The following VGLL3 variants were observed in gnomAD, a reference collection of about 807,000 sequenced individuals.
VGLL3 encodes vestigial like family member 3.
In VGLL3, 18 loss-of-function variants were observed where a neutral mutation model predicts 29.2. That is an observed-to-expected ratio of 0.62 (90% confidence interval 0.43 to 0.91). The LOEUF is 0.91. VGLL3 is among the 40% of genes least tolerant of loss of function. VGLL3 has a pLI of 0.00. For synonymous variants in VGLL3, 180 were observed against 151.8 expected, an observed-to-expected ratio of 1.19 and a Z score of -1.36; for missense variants, 440 against 413.2, an observed-to-expected ratio of 1.06 and a Z score of -0.56.
At chr3:86,950,186 T>C (rs926016288) in intron 3 of VGLL3, among the ~76,000 whole-genome samples, 2 of 152,196 alleles carry the variant, frequency 1.3e-5, no homozygotes, top group Admixed American at 6.5e-5. Context: ...GCTTGCCTTC[T>C]TTATAGTAGC....
Position 86,945,858 on chromosome 3 carries a change from CTGTTTGTTTGTT to C in VGLL3, c.*1154_*1165del, listed in dbSNP as rs150596407. On this transcript the variant is annotated 3_prime_UTR_variant, in exon 4 of 4. Coordinates refer to ENST00000398399, the MANE Select transcript of VGLL3 (RefSeq NM_016206.4). ...TGTGTTGAAACTATTATATATAGAA[CTGTTTGTTTGTT>C]TGTTTGTTTGTTTGTTTAGCTTACA... The C allele has an allele frequency of 3.3e-5, 5 of 151,656 alleles. No individual in the cohort carries two copies. Among genetic ancestry groups the C allele is most frequent in the African/African-American group, 4.9e-5 (2 of 41,208 alleles). The allele number at this position is 151,656 out of a possible 1,614,324, so 9.4% of individuals were successfully genotyped here.
In VGLL3 at chr3:86,990,603, C is replaced by G. The variant is rs746776435; in HGVS notation, c.126+15G>C. ...TCGCCCCCGCCCCCAGCAGGCTGCC[C>G]GTCCGGTGACTCACCTGCTGGCCAG... is the stretch of plus-strand genomic sequence containing the variant. On this transcript the variant is annotated intron_variant, in intron 1 of 3. Coordinates refer to ENST00000398399, the MANE Select transcript of VGLL3 (RefSeq NM_016206.4). 9.7e-6 allele frequency: 13 copies of G among 1,335,784 alleles called. No homozygotes were observed. The highest frequency in any genetic ancestry group is 2.6e-5 in the South Asian group (1 of 38,280). The allele number at this position is 1,335,784 out of a possible 1,614,324, so 82.7% of individuals were successfully genotyped here. A position where few individuals can be genotyped will look rare whatever the true frequency, so the allele number is the denominator to read the frequency against.
chr3:86,986,423 T>G (rs1465770502), intron 1 of VGLL3, among the ~76,000 whole-genome samples: 1 of 152,138 alleles, frequency 6.6e-6, no homozygotes, highest in Non-Finnish European at 1.5e-5. Context: ...ATTTTAACAT[T>G]TAATTTTTCC....
Position 86,968,729 on chromosome 3 carries a change from T to A in VGLL3, c.798A>T (p.Ser266=). ...GAGCAGGAATCCTGGCCGCATGCAC[T>A]GAAGGCATCAGCAGAGGCCCATAGG... is the stretch of plus-strand genomic sequence containing the variant. ...DPSYGPLLMP[S]VHAARIPAPQ... The change falls in exon 3 of 4, where the codon TCA becomes TCT. Residue 266 remains serine, a synonymous_variant. Coordinates refer to ENST00000398399, the MANE Select transcript of VGLL3 (RefSeq NM_016206.4). 15 of 1,614,124 alleles carry A rather than the reference T, an allele frequency of 9.3e-6. No individual in the cohort carries two copies. Among genetic ancestry groups the A allele is most frequent in the Non-Finnish European group, 1.3e-5 (15 of 1,180,018 alleles).
At chr3:86,955,380 CTTTTTTTTTTT>C (rs67190879) in intron 3 of VGLL3, among the ~76,000 whole-genome samples, 1 of 131,708 alleles carries the variant, frequency 7.6e-6, no homozygotes, top group South Asian at 2.4e-4. Flanking sequence ...CTCTCTCTCT[CTTTTTTTTTTT>C]TTTTTTTTTG....
intron 3 of VGLL3, among the ~76,000 whole-genome samples, chr3:86,964,487 T>G (rs1053426032): frequency 6.6e-6 from 1 of 152,176 alleles, no homozygotes; most frequent in African/African-American, 2.4e-5. Context: ...TTATTTGCAA[T>G]GAATTGAATG....
chr3:86,949,621 T>C (rs1042280698), intron 3 of VGLL3, among the ~76,000 whole-genome samples: 3 of 151,464 alleles, frequency 2.0e-5, no homozygotes, highest in Admixed American at 6.6e-5. Flanking sequence ...GGTCAGGAGA[T>C]CGAGACCATC....
At chr3:86,951,308 C>T (rs1458654416) in intron 3 of VGLL3, among the ~76,000 whole-genome samples, 1 of 152,174 alleles carries the variant, frequency 6.6e-6, no homozygotes, top group African/African-American at 2.4e-5. Context: ...TACCAGAGTT[C>T]TGAAGGCTGG....
At chr3:86,953,196 G>T (rs1704649035) in intron 3 of VGLL3, among the ~76,000 whole-genome samples, 1 of 152,104 alleles carries the variant, frequency 6.6e-6, no homozygotes, top group South Asian at 2.1e-4. Flanking sequence ...AAAGTAAAAA[G>T]CCTACATAAT....
rs371178734 is a variant in VGLL3 at position 86,967,850 on chromosome 3, G to T, written c.937+740C>A. 3.9e-5 allele frequency among the ~76,000 whole-genome samples: 6 copies of T among 152,156 alleles called. No individual in the cohort carries two copies. In the East Asian group the frequency reaches 7.7e-4, roughly 20 times the overall value. On this transcript the variant is annotated intron_variant, in intron 3 of 3. Coordinates refer to ENST00000398399, the MANE Select transcript of VGLL3 (RefSeq NM_016206.4). ...TCAGACATTTGACACAGAACCTTCAGAACTATTGAATTCCAGACAGGAGAT... is the reference window on the plus strand; with the variant it reads ...TCAGACATTTGACACAGAACCTTCATAACTATTGAATTCCAGACAGGAGAT...
chr3:86,949,191 A>T lies in VGLL3; in HGVS notation c.938-2124T>A, dbSNP rs1704564918. The stretch of plus-strand genomic sequence containing the variant: ...TATGACTATTTCAAAATCACGTGAG[A>T]CTTTTGCTGCAGACAAGTATTTCAT... On this transcript the variant is annotated intron_variant, in intron 3 of 3. Coordinates refer to ENST00000398399, the MANE Select transcript of VGLL3 (RefSeq NM_016206.4). 3.3e-5 allele frequency among the ~76,000 whole-genome samples: 5 copies of T among 152,268 alleles called. No individual in the cohort carries two copies. The South Asian group carries it at 1.0e-3, about 32-fold the overall frequency.
chr3:86,965,097 C>T (rs568364759), intron 3 of VGLL3, among the ~76,000 whole-genome samples: 29 of 150,798 alleles, frequency 1.9e-4, no homozygotes, highest in Non-Finnish European at 3.4e-4. Context: ...GTGAAGGTTG[C>T]GGTGAGCTGA....
chr3:86,954,500 T>C (rs890044178), intron 3 of VGLL3, among the ~76,000 whole-genome samples: 1 of 152,224 alleles, frequency 6.6e-6, no homozygotes, highest in African/African-American at 2.4e-5. Flanking sequence ...TTAAAATGCA[T>C]AGCTGGAGGG....
chr3:86,962,297 C>A, intron 3 of VGLL3: 2 of 985,492 alleles, frequency 2.0e-6, no homozygotes, highest in Non-Finnish European at 2.4e-6. Flanking sequence ...GACAGCAAAG[C>A]AACACCAAGA....
intron 3 of VGLL3, 101 bp downstream of exon 3, chr3:86,968,489 T>C (rs1705010347): frequency 1.5e-6 from 2 of 1,359,874 alleles, no homozygotes; most frequent in Non-Finnish European, 2.0e-6. Context: ...GTTGGTAAAG[T>C]TTAACTTTAC....
Position 86,969,087 on chromosome 3 carries a change from G to T in VGLL3, c.440C>A (p.Pro147Gln), listed in dbSNP as rs768883602. The part of the protein sequence containing the change: ...SALSSQRNSF[P>Q]TSFWTSSYQP... ...GTAAGAGCTGGTCCAAAAGGAAGTT[G>T]GGAAACTATTCCGCTGGCTTGAGAG... The change falls in exon 3 of 4, where the codon CCA becomes CAA. Residue 147 changes from proline to glutamine, a missense_variant. By Grantham distance (76) the Pro-to-Gln change is moderately conservative. Transcript: ENST00000398399. The T allele has an allele frequency of 6.2e-7, 1 of 1,608,214 alleles. No homozygotes were observed. The highest frequency in any genetic ancestry group is 8.5e-7 in the Non-Finnish European group (1 of 1,176,070).
chr3:86,975,768 G>T (rs535435314), intron 2 of VGLL3, among the ~76,000 whole-genome samples: 1 of 152,090 alleles, frequency 6.6e-6, no homozygotes, highest in Non-Finnish European at 1.5e-5. Context: ...AAATTGAAGC[G>T]CATGCTGTGT....
intron 3 of VGLL3, among the ~76,000 whole-genome samples, chr3:86,963,222 T>G (rs1032230990): frequency 3.9e-5 from 6 of 152,210 alleles, no homozygotes; most frequent in African/African-American, 1.2e-4. Flanking sequence ...AAACAAAATG[T>G]GGTATTATCC....
intron 2 of VGLL3, among the ~76,000 whole-genome samples, chr3:86,976,746 C>A (rs1040881912): frequency 1.3e-5 from 2 of 152,178 alleles, no homozygotes; most frequent in Admixed American, 6.5e-5. Context: ...GACAATCACT[C>A]TCACACCAAG....
Sources: allele counts gnomAD v4.1 joint callset (sites outside exome capture counted in the v4.1 genomes callset), GRCh38; gene constraint gnomAD v4.1.1; transcripts MANE v1.5; gene names NCBI Gene and HGNC (gene_info 2026-07-23, HGNC 2026-07-21).